The following PSD2 variants were observed in gnomAD, a reference collection of about 807,000 sequenced individuals.
The protein encoded by PSD2 is pleckstrin and Sec7 domain containing 2.
In PSD2, 38 loss-of-function variants were observed where a neutral mutation model predicts 69.8. That is an observed-to-expected ratio of 0.54 (90% CI 0.42 to 0.71). The LOEUF is 0.71. Among genes scored for constraint, PSD2 ranks in the 30% least tolerant of loss-of-function variants. PSD2 has a pLI of 0.00. For synonymous variants in PSD2, 412 were observed against 423.0 expected, an observed-to-expected ratio of 0.97 and a Z score of 0.32; for missense variants, 943 against 1,014.5, an observed-to-expected ratio of 0.93 and a Z score of 0.96.
rs1760946076 is a variant in PSD2 at position 139,844,296 on chromosome 5, G to A, written c.*1822G>A. ...GATGTGCTTCCTGAGCATGGGTTGT[G>A]CCTCCCATCAGTAAAAAAATGTTTA... On this transcript the variant is annotated 3_prime_UTR_variant, in exon 15 of 15. Transcript: ENST00000274710. The A allele has an allele frequency of 6.6e-6, 1 of 152,130 alleles. No homozygotes were observed. Among genetic ancestry groups the A allele is most frequent in the Non-Finnish European group, 1.5e-5 (1 of 68,040 alleles). 9.4% of individuals were successfully genotyped at this position (152,130 alleles called of 1,614,324 possible). A position where few individuals can be genotyped will look rare whatever the true frequency, so the allele number is the denominator to read the frequency against.
At chr5:139,751,304 A>G in the PSD2 span, among the ~76,000 whole-genome samples, 2 of 152,072 alleles carry the variant, frequency 1.3e-5, no homozygotes, top group African/African-American at 4.8e-5. Flanking sequence ...TCCTCTCCCC[A>G]CCCCAAGCTC....
At chr5:139,767,118 G>A in the PSD2 span, among the ~76,000 whole-genome samples, 1 of 149,776 alleles carries the variant, frequency 6.7e-6, no homozygotes, top group African/African-American at 2.5e-5. Context: ...TCAGCCTCCC[G>A]AGTAGCTGGG....
intron 14 of PSD2, among the ~76,000 whole-genome samples, chr5:139,840,777 C>G (rs1424215636): frequency 2.6e-5 from 4 of 152,148 alleles, no homozygotes; most frequent in African/African-American, 7.2e-5. Context: ...GTCTCGAACT[C>G]CTGACTTCAG....
chr5:139,783,943 C>CTTTTTTTTTTTTTTTTTTTTTTT, the PSD2 span, among the ~76,000 whole-genome samples: 35 of 87,886 alleles, frequency 4.0e-4, no homozygotes, highest in African/African-American at 1.4e-3. Context: ...TCTGCTAGCT[C>CTTTTTTTTTTTTTTTTTTTTTTT]TTTTTTTTTT....
chr5:139,781,454 G>A, the PSD2 span, among the ~76,000 whole-genome samples: 3 of 151,566 alleles, frequency 2.0e-5, no homozygotes, highest in African/African-American at 4.9e-5. Flanking sequence ...TCCTGCCTCA[G>A]CCTCCCGAGT....
the PSD2 span, among the ~76,000 whole-genome samples, chr5:139,784,651 C>T: frequency 6.6e-6 from 1 of 152,174 alleles, no homozygotes; most frequent in Admixed American, 6.5e-5. Flanking sequence ...CCCTTTGCTC[C>T]TTGCTGGTCC....
intron 2 of PSD2, among the ~76,000 whole-genome samples, chr5:139,812,543 T>G (rs1358724217): frequency 6.6e-6 from 1 of 152,006 alleles, no homozygotes; most frequent in Non-Finnish European, 1.5e-5. Flanking sequence ...GCTTTTGTTC[T>G]GGGGCTGGGG....
chr5:139,794,738 T>C (rs1160020021), upstream of PSD2, among the ~76,000 whole-genome samples: 1 of 152,172 alleles, frequency 6.6e-6, no homozygotes, highest in Non-Finnish European at 1.5e-5. Context: ...TGGCAGGGCC[T>C]GACTCTATCC....
intron 1 of PSD2, 46 bp downstream of exon 1, chr5:139,796,021 G>C (rs1327700180): frequency 6.7e-6 from 1 of 148,176 alleles, no homozygotes; most frequent in Non-Finnish European, 1.5e-5. Flanking sequence ...CCCCGCTGGC[G>C]GCCAGGCCGG....
the PSD2 span, among the ~76,000 whole-genome samples, chr5:139,783,845 T>C: frequency 6.6e-6 from 1 of 152,194 alleles, no homozygotes; most frequent in East Asian, 1.9e-4. Flanking sequence ...TTGTTTGGCT[T>C]ACAGGATTTC....
chr5:139,763,326 C>G, the PSD2 span, among the ~76,000 whole-genome samples: 1 of 152,188 alleles, frequency 6.6e-6, no homozygotes, highest in Non-Finnish European at 1.5e-5. Flanking sequence ...CACTCTGAAG[C>G]ATGTTTTCAT....
chr5:139,766,003 CG>C, the PSD2 span, among the ~76,000 whole-genome samples: 9 of 152,046 alleles, frequency 5.9e-5, no homozygotes, highest in Non-Finnish European at 7.4e-5. Flanking sequence ...AAGCTGGCGG[CG>C]ATGGGGTGAC....
intron 9 of PSD2, among the ~76,000 whole-genome samples, chr5:139,836,035 A>G (rs1354452430): frequency 6.6e-6 from 1 of 152,242 alleles, no homozygotes; most frequent in South Asian, 2.1e-4. Flanking sequence ...CTGGTTTTCT[A>G]TATGGGGATA....
the PSD2 span, among the ~76,000 whole-genome samples, chr5:139,782,535 C>T: frequency 6.7e-6 from 1 of 149,282 alleles, no homozygotes; most frequent in East Asian, 2.0e-4. Flanking sequence ...CTCCATAGCC[C>T]AGGCTGGAGT....
At chr5:139,835,184 C>G (rs992590900) in intron 8 of PSD2, among the ~76,000 whole-genome samples, 1 of 150,246 alleles carries the variant, frequency 6.7e-6, no homozygotes, top group Non-Finnish European at 1.5e-5. Context: ...ACTCAATCAT[C>G]CACCCAACAC....
At chr5:139,807,929 G>T (rs1018318401) in intron 1 of PSD2, among the ~76,000 whole-genome samples, 3 of 152,214 alleles carry the variant, frequency 2.0e-5, no homozygotes, top group African/African-American at 7.2e-5. Context: ...CTGGGGTAGG[G>T]CCTGGTAATC....
At chr5:139,767,343 C>T in the PSD2 span, among the ~76,000 whole-genome samples, 7 of 151,716 alleles carry the variant, frequency 4.6e-5, no homozygotes, top group Non-Finnish European at 7.4e-5. Context: ...AAGACAGAAT[C>T]CCACTCTATT....
At chr5:139,768,548 C>A in the PSD2 span, among the ~76,000 whole-genome samples, 1 of 151,898 alleles carries the variant, frequency 6.6e-6, no homozygotes, top group African/African-American at 2.4e-5. Flanking sequence ...CATGGAGAAA[C>A]CCCCGTCTCT....
chr5:139,821,332 C>T (rs546915571), intron 5 of PSD2, among the ~76,000 whole-genome samples: 4 of 152,160 alleles, frequency 2.6e-5, no homozygotes, highest in African/African-American at 9.7e-5. Context: ...GGGGTGGCCC[C>T]GTTGTCCTGG....
Sources: gnomAD v4.1 joint callset for allele counts (sites outside exome capture counted in the v4.1 genomes callset) on GRCh38, gnomAD v4.1.1 for gene constraint, MANE v1.5 for transcripts, NCBI Gene and HGNC (gene_info 2026-07-23, HGNC 2026-07-21) for gene names.